SNAPC3: variants seen among roughly 807,000 people sequenced by gnomAD.
SNAPC3 encodes the protein small nuclear RNA activating complex polypeptide 3, also known as snRNA-activating protein complex subunit 3.
SNAPC3 carries 56 observed loss-of-function variants against 47.7 expected under a neutral mutation model. The ratio of observed to expected loss-of-function variants is 1.18; its 90% CI spans 0.95 to 1.47. The LOEUF (loss-of-function observed/expected upper bound fraction) is 1.47, where lower values mean the gene tolerates loss of function less well. SNAPC3 is among the 40% of genes most tolerant of loss of function. SNAPC3 has a pLI of 0.00. For synonymous variants in SNAPC3, 235 were observed against 189.9 expected (o/e 1.24, Z -1.95); for missense variants, 665 against 511.3 (o/e 1.30, Z -2.90).
At position 15,447,131 on chromosome 9, in the gene SNAPC3, T is replaced by C. The variant is rs761824575; in HGVS notation, c.619T>C (p.Leu207=). The C allele has an allele frequency of 2.5e-6, 4 of 1,614,012 alleles. No individual in the cohort carries two copies. The African/African-American group carries it at 5.3e-5, about 22-fold the overall frequency. Residue 207 remains leucine, a synonymous_variant, in exon 5 of 9, where the codon TTG becomes CTG. Transcript: ENST00000380821. ...EHKPYQTMLV[L]GSQKLTQLRD... ...CAAACCATACCAAACAATGCTGGTG[T>C]TGGGCAGTCAAAAACTCACACAACT... is the stretch of plus-strand genomic sequence containing the variant.
chr9:15,450,547 G>A (rs1046288087), intron 5 of SNAPC3, among the ~76,000 whole-genome samples: 2 of 152,188 alleles, frequency 1.3e-5, no homozygotes, highest in Non-Finnish European at 2.9e-5. Flanking sequence ...AAATCACAAA[G>A]CTAGTAAGTG....
intron 3 of SNAPC3, 52 bp from the exon 4 acceptor site, chr9:15,444,550 A>T (rs1234961690): frequency 2.5e-5 from 29 of 1,175,434 alleles, no homozygotes; most frequent in Non-Finnish European, 3.3e-5. Flanking sequence ...ACCACACTGC[A>T]TCTTATCTGA....
chr9:15,433,175 G>T (rs2131790305), intron 2 of SNAPC3, among the ~76,000 whole-genome samples: 1 of 151,592 alleles, frequency 6.6e-6, no homozygotes, highest in East Asian at 1.9e-4. Flanking sequence ...TCAAGATCGT[G>T]AAAGATAAGG....
At chr9:15,465,056 T>C (rs114211035), downstream of SNAPC3, 1,538 of 224,924 alleles carry the variant, frequency 6.8e-3, 22 homozygotes, top group African/African-American at 0.032. Context: ...TAACATTTTA[T>C]CTACCATAAA....
chr9:15,465,251 A>C (rs542288550), downstream of SNAPC3: 3 of 380,748 alleles, frequency 7.9e-6, no homozygotes, highest in Non-Finnish European at 1.4e-5. Flanking sequence ...CACTAATTGA[A>C]AATATGCTAC....
chr9:15,442,419 C>A (rs551481799), intron 3 of SNAPC3, among the ~76,000 whole-genome samples: 1 of 150,750 alleles, frequency 6.6e-6, no homozygotes, highest in East Asian at 2.0e-4. Flanking sequence ...CCAGACGGGG[C>A]GGCTGCCGGG....
At chr9:15,465,381 A>G, downstream of SNAPC3, 1 of 705,864 alleles carries the variant, frequency 1.4e-6, no homozygotes, top group Non-Finnish European at 2.4e-6. Flanking sequence ...TTTACTTTAA[A>G]ACAAAGGGAT....
chr9:15,466,309 G>C (rs1282828290), downstream of SNAPC3, among the ~76,000 whole-genome samples: 1 of 152,242 alleles, frequency 6.6e-6, no homozygotes, highest in Non-Finnish European at 1.5e-5. Context: ...AACCCAGGAA[G>C]TGGAGGTTGC....
downstream of SNAPC3, chr9:15,466,685 G>C: frequency 7.6e-7 from 1 of 1,307,890 alleles, no homozygotes; most frequent in Non-Finnish European, 1.1e-6. Flanking sequence ...CCTTGGAACA[G>C]AACTGTGATT....
intron 2 of SNAPC3, among the ~76,000 whole-genome samples, chr9:15,427,263 T>C (rs2031530886): frequency 6.6e-6 from 1 of 152,210 alleles, no homozygotes; most frequent in South Asian, 2.1e-4. Context: ...TTCCTAGGAA[T>C]AGGAGAGATA....
intron 7 of SNAPC3, among the ~76,000 whole-genome samples, chr9:15,454,110 G>T (rs559808599): frequency 2.6e-5 from 4 of 152,128 alleles, no homozygotes; most frequent in African/African-American, 9.6e-5. Context: ...GTGTGTGCCT[G>T]TAATCCCAGC....
downstream of SNAPC3, chr9:15,463,178 C>G (rs909380559): frequency 6.8e-6 from 1 of 147,896 alleles, no homozygotes; most frequent in Non-Finnish European, 1.5e-5. Flanking sequence ...GCTAAGAAAA[C>G]CTTCAATGGT....
chr9:15,423,377 C>T (rs1195833508), intron 1 of SNAPC3, among the ~76,000 whole-genome samples, 184 bp downstream of exon 1: 1 of 152,158 alleles, frequency 6.6e-6, no homozygotes, highest in African/African-American at 2.4e-5. Context: ...TCCTGGGACC[C>T]GAATGCACAG....
At chr9:15,465,827 T>C (rs1197156502), downstream of SNAPC3, 1 of 421,298 alleles carries the variant, frequency 2.4e-6, no homozygotes, top group Non-Finnish European at 4.2e-6. Flanking sequence ...CAGCAAAGTG[T>C]CATGGACCAA....
intron 6 of SNAPC3, among the ~76,000 whole-genome samples, chr9:15,451,972 A>G (rs1434052886): frequency 2.6e-4 from 2 of 7,704 alleles, no homozygotes; most frequent in Non-Finnish European, 2.6e-3. Context: ...GCCCTTTTTA[A>G]AAAAAAAAAA....
intron 3 of SNAPC3, among the ~76,000 whole-genome samples, chr9:15,437,522 C>G (rs183918330): frequency 1.2e-4 from 18 of 152,120 alleles, no homozygotes; most frequent in Non-Finnish European, 2.1e-4. Context: ...CGTGAGCCAC[C>G]GCACCCGGCC....
chr9:15,441,745 A>T (rs2033402825), intron 3 of SNAPC3, among the ~76,000 whole-genome samples: 1 of 152,200 alleles, frequency 6.6e-6, no homozygotes, highest in African/African-American at 2.4e-5. Context: ...CCCAAGGCAG[A>T]AGAATTTTTC....
chr9:15,423,574 G>C (rs1453771304), intron 1 of SNAPC3, among the ~76,000 whole-genome samples: 1 of 152,208 alleles, frequency 6.6e-6, no homozygotes. Flanking sequence ...GACTTCATCA[G>C]AGGAGTGTTA....
chr9:15,437,402 T>C (rs2032924070), intron 3 of SNAPC3, among the ~76,000 whole-genome samples: 1 of 152,046 alleles, frequency 6.6e-6, no homozygotes, highest in Non-Finnish European at 1.5e-5. Flanking sequence ...CTGGCTACTT[T>C]TTGTATTTTT....
Sources: allele counts gnomAD v4.1 joint callset (sites outside exome capture counted in the v4.1 genomes callset), GRCh38; gene constraint gnomAD v4.1.1; transcripts MANE v1.5; gene names NCBI Gene and HGNC (gene_info 2026-07-23, HGNC 2026-07-21).